DLGAP2: variants seen among roughly 807,000 people sequenced by gnomAD.
DLGAP2 encodes disks large-associated protein 2.
In DLGAP2, 26 loss-of-function variants were observed where a neutral mutation model predicts 100.3. The ratio of observed to expected loss-of-function variants is 0.26; its 90% confidence interval spans 0.19 to 0.36. DLGAP2 has a LOEUF of 0.36. DLGAP2 is among the 10% of genes least tolerant of loss of function. The pLI, the probability that DLGAP2 is intolerant of heterozygous loss-of-function variation, is 1.00. For missense variants in DLGAP2, 1,858 were observed against 1,453.2 expected (o/e 1.28, Z -4.53); for synonymous variants, 886 against 630.1 (o/e 1.41, Z -6.08).
intron 1 of DLGAP2, among the ~76,000 whole-genome samples, chr8:803,260 C>T (rs752561733): frequency 1.6e-4 from 25 of 152,334 alleles, no homozygotes; most frequent in Non-Finnish European, 2.9e-4. Context: ...TTGCTTCCCC[C>T]AGCCTGGAGC....
At chr8:1,145,332 G>A (rs1277689554) in intron 2 of DLGAP2, among the ~76,000 whole-genome samples, 1 of 152,108 alleles carries the variant, frequency 6.6e-6, no homozygotes, top group Non-Finnish European at 1.5e-5. Context: ...GTTATGAATT[G>A]TGTCTGGTGT....
chr8:1,308,601 C>G, intron 3 of DLGAP2, among the ~76,000 whole-genome samples: 1 of 152,234 alleles, frequency 6.6e-6, no homozygotes, highest in East Asian at 1.9e-4. Context: ...TCTCAGCTCA[C>G]TGCAACCTCA....
chr8:1,420,689 C>G (rs1197584298), intron 3 of DLGAP2, among the ~76,000 whole-genome samples: 1 of 152,182 alleles, frequency 6.6e-6, no homozygotes, highest in East Asian at 1.9e-4. Flanking sequence ...ATGCCCTCCA[C>G]TCCAACCCAG....
At chr8:770,622 C>A (rs1382540538) in intron 1 of DLGAP2, among the ~76,000 whole-genome samples, 1 of 152,116 alleles carries the variant, frequency 6.6e-6, no homozygotes, top group Non-Finnish European at 1.5e-5. Flanking sequence ...GCACCTCTGT[C>A]CTGTTTGGCC....
At chr8:1,333,407 C>T (rs559138192) in intron 3 of DLGAP2, among the ~76,000 whole-genome samples, 2 of 152,242 alleles carry the variant, frequency 1.3e-5, no homozygotes, top group South Asian at 4.1e-4. Flanking sequence ...TGTCCAGGGC[C>T]GTCTTCATTT....
At chr8:1,212,262 A>G (rs1798121303) in intron 2 of DLGAP2, among the ~76,000 whole-genome samples, 1 of 152,202 alleles carries the variant, frequency 6.6e-6, no homozygotes, top group African/African-American at 2.4e-5. Context: ...TCACCAGGGA[A>G]AGAAGGGATT....
intron 3 of DLGAP2, among the ~76,000 whole-genome samples, chr8:1,420,360 C>G (rs189907990): frequency 1.3e-5 from 2 of 152,170 alleles, no homozygotes; most frequent in East Asian, 1.9e-4. Context: ...CAACAGTGTT[C>G]AGATAAATAC....
At chr8:1,686,438 C>G (rs1236574521) in intron 12 of DLGAP2, among the ~76,000 whole-genome samples, 2 of 152,162 alleles carry the variant, frequency 1.3e-5, no homozygotes, top group Non-Finnish European at 2.9e-5. Context: ...GAGGATAAGG[C>G]AGGCAGATCA....
Position 1,223,787 on chromosome 8 carries a change from G to A in DLGAP2, c.74-35064G>A, listed in dbSNP as rs963877705. Among the ~76,000 whole-genome samples, 3 of 152,232 alleles carry A rather than the reference G, an allele frequency of 2.0e-5. No individual in the cohort carries two copies. In the South Asian group the frequency reaches 6.2e-4, roughly 32 times the overall value. On this transcript the variant is annotated intron_variant, in intron 2 of 14. Coordinates refer to ENST00000637795, the MANE Select transcript of DLGAP2 (RefSeq NM_001346810.2). The stretch of plus-strand genomic sequence containing the variant: ...GATAATCAACCTGTCGGAATCTCAA[G>A]GATAAAAACAATTGAATAGTAGGCA...
intron 2 of DLGAP2, among the ~76,000 whole-genome samples, chr8:1,202,074 C>T (rs116993252): frequency 7.3e-5 from 11 of 150,918 alleles, no homozygotes; most frequent in South Asian, 2.1e-4. Context: ...TGTATGTGTA[C>T]GCCTGTGGTG....
intron 2 of DLGAP2, among the ~76,000 whole-genome samples, chr8:1,179,630 A>C (rs1277115441): frequency 1.3e-5 from 2 of 152,234 alleles, no homozygotes; most frequent in Non-Finnish European, 2.9e-5. Flanking sequence ...GTTTTAAATA[A>C]AGCTGTTTTT....
At chr8:893,314 G>T (rs1260869346) in intron 1 of DLGAP2, among the ~76,000 whole-genome samples, 1 of 152,214 alleles carries the variant, frequency 6.6e-6, no homozygotes, top group Admixed American at 6.5e-5. Context: ...AGGAAGGCAG[G>T]CACGGTGGAA....
intron 3 of DLGAP2, among the ~76,000 whole-genome samples, chr8:1,285,453 A>G (rs7843821): frequency 0.76 from 115,925 of 152,106 alleles, 44,279 homozygotes; most frequent in Non-Finnish European, 0.77. Flanking sequence ...GAATATGCTT[A>G]TGAGTAGAGC....
intron 3 of DLGAP2, among the ~76,000 whole-genome samples, chr8:1,298,898 C>A (rs549639650): frequency 6.6e-6 from 1 of 151,886 alleles, no homozygotes; most frequent in South Asian, 2.1e-4. Context: ...GAGGCAGGAA[C>A]GGGGGGAGAA....
chr8:1,084,268 ATAAAT>A (rs990916428), intron 2 of DLGAP2, among the ~76,000 whole-genome samples: 2 of 152,226 alleles, frequency 1.3e-5, no homozygotes, highest in African/African-American at 4.8e-5. Context: ...TGTTATATTG[ATAAAT>A]TATAGTTGCA....
chr8:1,474,869 T>C (rs1798889763), intron 3 of DLGAP2, among the ~76,000 whole-genome samples: 1 of 152,234 alleles, frequency 6.6e-6, no homozygotes, highest in Admixed American at 6.5e-5. Flanking sequence ...GACCCCATAA[T>C]GCTATTACTA....
At chr8:1,154,115 A>G (rs1027610932) in intron 2 of DLGAP2, among the ~76,000 whole-genome samples, 2 of 152,224 alleles carry the variant, frequency 1.3e-5, no homozygotes, top group Non-Finnish European at 2.9e-5. Flanking sequence ...ATACATGGAT[A>G]TGCACCAGTA....
At chr8:1,148,711 A>G (rs1796647959) in intron 2 of DLGAP2, among the ~76,000 whole-genome samples, 1 of 152,134 alleles carries the variant, frequency 6.6e-6, no homozygotes, top group African/African-American at 2.4e-5. Flanking sequence ...TTTTAAAATA[A>G]TTTGCCATTT....
chr8:1,254,703 C>T (rs1406884545), intron 2 of DLGAP2, among the ~76,000 whole-genome samples: 1 of 152,144 alleles, frequency 6.6e-6, no homozygotes, highest in African/African-American at 2.4e-5. Flanking sequence ...TGCCTTAGCT[C>T]TTCTCAGGAT....
Sources: allele counts gnomAD v4.1 joint callset (sites outside exome capture counted in the v4.1 genomes callset), GRCh38; gene constraint gnomAD v4.1.1; transcripts MANE v1.5; gene names NCBI Gene and HGNC (gene_info 2026-07-23, HGNC 2026-07-21).